TBC1D5: variants seen among roughly 807,000 people sequenced by gnomAD.
TBC1D5 encodes the protein TBC1 domain family member 5, also known as TBC1 domain family, member 5.
A neutral mutation model predicts 100.3 loss-of-function variants in TBC1D5; 75 were observed. That is an observed-to-expected ratio of 0.75 (90% CI 0.62 to 0.91). The LOEUF (loss-of-function observed/expected upper bound fraction) is 0.91. Among genes scored for constraint, TBC1D5 ranks in the 40% least tolerant of loss-of-function variants. The pLI is 0.00. For synonymous variants in TBC1D5, 323 were observed against 325.6 expected, an observed-to-expected ratio of 0.99 and a Z score of 0.09; for missense variants, 910 against 942.4, an observed-to-expected ratio of 0.97 and a Z score of 0.45.
intron 13 of TBC1D5, among the ~76,000 whole-genome samples, chr3:17,340,104 G>C (rs2088624940): frequency 6.6e-6 from 1 of 152,100 alleles, no homozygotes; most frequent in Non-Finnish European, 1.5e-5. Flanking sequence ...CCTTAAGGCA[G>C]CTCAGAGCTC....
At chr3:17,223,537 G>GT (rs935589478) in intron 17 of TBC1D5, among the ~76,000 whole-genome samples, 32 of 152,210 alleles carry the variant, frequency 2.1e-4, no homozygotes, top group Admixed American at 1.2e-3. Context: ...TAGAAGCATC[G>GT]TAAGTTAAAC....
intron 15 of TBC1D5, among the ~76,000 whole-genome samples, chr3:17,271,437 T>A (rs975786194): frequency 1.3e-5 from 2 of 152,286 alleles, no homozygotes; most frequent in Admixed American, 1.3e-4. Flanking sequence ...TACTACTGAT[T>A]TTTCTACATT....
intron 1 of TBC1D5, among the ~76,000 whole-genome samples, chr3:17,669,879 T>C (rs957466122): frequency 2.0e-5 from 3 of 152,114 alleles, no homozygotes; most frequent in African/African-American, 4.8e-5. Context: ...GACTGTCCCA[T>C]GTTTTTTGTT....
At chr3:17,321,127 G>A (rs2150932705) in intron 13 of TBC1D5, among the ~76,000 whole-genome samples, 1 of 152,274 alleles carries the variant, frequency 6.6e-6, no homozygotes, top group Non-Finnish European at 1.5e-5. Context: ...GAGTGCAGTG[G>A]CCCAATCATA....
intron 17 of TBC1D5, among the ~76,000 whole-genome samples, chr3:17,217,457 T>G (rs1197415443): frequency 1.3e-5 from 2 of 152,138 alleles, no homozygotes; most frequent in Non-Finnish European, 2.9e-5. Context: ...CTGCCAGTTT[T>G]CAAAAGTGAC....
chr3:17,307,901 A>G, intron 14 of TBC1D5, 91 bp downstream of exon 14: 3 of 1,517,064 alleles, frequency 2.0e-6, no homozygotes, highest in East Asian at 4.8e-5. Context: ...ATGCAAATCA[A>G]ATAATAAAAC....
At chr3:17,564,694 A>T (rs1400063488) in intron 2 of TBC1D5, among the ~76,000 whole-genome samples, 1 of 152,082 alleles carries the variant, frequency 6.6e-6, no homozygotes, top group South Asian at 2.1e-4. Flanking sequence ...ACTGCTGAGG[A>T]TCTCATCAAA....
intron 3 of TBC1D5, among the ~76,000 whole-genome samples, chr3:17,507,180 A>G (rs1318878860): frequency 6.6e-6 from 1 of 152,214 alleles, no homozygotes. Context: ...AAATAATTTG[A>G]TTTATTTAAC....
At chr3:17,511,904 T>C (rs564348930) in intron 2 of TBC1D5, among the ~76,000 whole-genome samples, 50 of 152,160 alleles carry the variant, frequency 3.3e-4, no homozygotes, top group African/African-American at 1.2e-3. Flanking sequence ...TTTCAAGCAA[T>C]CTGTTGAAGA....
rs554408699 is a variant in TBC1D5, at chr3:17,508,648, T to G, written c.-35-43A>C. On this transcript the variant is annotated intron_variant, in intron 2 of 21. Coordinates refer to ENST00000253692, the Ensembl canonical transcript of TBC1D5. ...ACAGAGAAAAATAATAAATTCTTTT[T>G]CTGCTATGACTGGGAATAAATATAA... is the stretch of plus-strand genomic sequence containing the variant. 3 of 1,003,984 alleles carry G rather than the reference T, an allele frequency of 3.0e-6. No homozygotes were observed. The African/African-American group carries it at 4.8e-5, about 16-fold the overall frequency. 62.2% of individuals were successfully genotyped at this position (1,003,984 alleles called of 1,614,324 possible).
At position 17,418,924 on chromosome 3, in the gene TBC1D5, T is replaced by C. The variant is rs529860922; in HGVS notation, c.167+9526A>G. ...TACCAACCACGGACTGAGACTACAG[T>C]ATTCTAAGGATGTCAAACTCATGGA... is the stretch of plus-strand genomic sequence containing the variant. On this transcript the variant is annotated intron_variant, in intron 4 of 21. Transcript: ENST00000253692. Among the ~76,000 whole-genome samples the C allele has an allele frequency of 3.3e-5, 5 of 152,308 alleles. No homozygotes were observed. In the South Asian group the frequency reaches 1.0e-3, roughly 32 times the overall value.
At chr3:17,739,710 C>T (rs1462128414) in exon 1 of TBC1D5, 1 of 152,182 alleles carries the variant, frequency 6.6e-6, no homozygotes, top group East Asian at 1.9e-4. Flanking sequence ...GAAAGCAGGC[C>T]AGGCGCGGCC....
intron 2 of TBC1D5, among the ~76,000 whole-genome samples, chr3:17,540,952 A>G (rs1482607706): frequency 6.6e-6 from 1 of 151,458 alleles, no homozygotes; most frequent in African/African-American, 2.4e-5. Flanking sequence ...GAAAAAAGAA[A>G]AAAATCAGTT....
intron 13 of TBC1D5, among the ~76,000 whole-genome samples, chr3:17,319,828 C>T (rs2085167615): frequency 6.6e-6 from 1 of 152,076 alleles, no homozygotes; most frequent in Non-Finnish European, 1.5e-5. Flanking sequence ...CAAGATTGCA[C>T]CACTGCACTC....
At chr3:17,261,905 T>C (rs1361672590) in intron 15 of TBC1D5, among the ~76,000 whole-genome samples, 1 of 152,042 alleles carries the variant, frequency 6.6e-6, no homozygotes, top group Non-Finnish European at 1.5e-5. Flanking sequence ...ACCTTTAAAG[T>C]TCTGGAATCT....
intron 4 of TBC1D5, among the ~76,000 whole-genome samples, chr3:17,414,513 T>C (rs2094014459): frequency 1.3e-5 from 2 of 152,222 alleles, no homozygotes; most frequent in African/African-American, 4.8e-5. Context: ...AGGTATGATT[T>C]TGAAAATACT....
intron 16 of TBC1D5, among the ~76,000 whole-genome samples, chr3:17,249,515 C>T (rs1469129370): frequency 6.6e-6 from 1 of 152,056 alleles, no homozygotes; most frequent in Non-Finnish European, 1.5e-5. Flanking sequence ...GGGGGTGTAC[C>T]CCTCATGAAT....
chr3:17,537,399 G>C (rs532631426), intron 2 of TBC1D5, among the ~76,000 whole-genome samples: 7 of 152,272 alleles, frequency 4.6e-5, no homozygotes, highest in Non-Finnish European at 1.0e-4. Context: ...TAAGGGAGGA[G>C]GTAACAAGGC....
At chr3:17,656,497 T>C (rs2066076026) in intron 1 of TBC1D5, among the ~76,000 whole-genome samples, 1 of 152,218 alleles carries the variant, frequency 6.6e-6, no homozygotes, top group Non-Finnish European at 1.5e-5. Flanking sequence ...ATATGTTCCC[T>C]GAAAACCAAA....
Sources: gnomAD v4.1 joint callset for allele counts (sites outside exome capture counted in the v4.1 genomes callset) on GRCh38, gnomAD v4.1.1 for gene constraint, MANE v1.5 for transcripts, NCBI Gene and HGNC (gene_info 2026-07-23, HGNC 2026-07-21) for gene names.